Variants in GRID2 observed in about 807,000 individuals in gnomAD.
GRID2 encodes glutamate receptor ionotropic, delta-2.
GRID2 carries 33 observed loss-of-function variants against 114.8 expected under a neutral mutation model. The ratio of observed to expected loss-of-function variants is 0.29; its 90% CI spans 0.22 to 0.38. GRID2 has a LOEUF of 0.38. GRID2 is among the 10% of genes least tolerant of loss of function. GRID2 has a pLI of 1.00. For synonymous variants in GRID2, 505 were observed against 449.9 expected, an observed-to-expected ratio of 1.12 and a Z score of -1.55; for missense variants, 1,184 against 1,257.7, an observed-to-expected ratio of 0.94 and a Z score of 0.89.
intron 11 of GRID2, among the ~76,000 whole-genome samples, chr4:93,475,206 C>A (rs77441618): frequency 0.038 from 5,777 of 152,076 alleles, 393 homozygotes; most frequent in African/African-American, 0.13. Flanking sequence ...TTATTTTAAC[C>A]ATTTTTAAAT....
intron 13 of GRID2, among the ~76,000 whole-genome samples, chr4:93,543,538 G>T (rs1732868187): frequency 6.6e-6 from 1 of 152,138 alleles, no homozygotes; most frequent in Non-Finnish European, 1.5e-5. Flanking sequence ...AAATAAAATT[G>T]CTGGAAATAT....
intron 3 of GRID2, among the ~76,000 whole-genome samples, chr4:93,107,065 C>T (rs904121089): frequency 1.1e-4 from 16 of 152,096 alleles, no homozygotes; most frequent in Non-Finnish European, 2.2e-4. Context: ...TTTGGGAGGC[C>T]GAGGCAGGTG....
At chr4:93,507,172 T>C (rs1728715616) in intron 12 of GRID2, among the ~76,000 whole-genome samples, 1 of 152,196 alleles carries the variant, frequency 6.6e-6, no homozygotes, top group Non-Finnish European at 1.5e-5. Context: ...CTCTTAATTA[T>C]GGACCAAGCC....
At chr4:93,411,269 G>T (rs192323178) in intron 9 of GRID2, among the ~76,000 whole-genome samples, 1 of 152,010 alleles carries the variant, frequency 6.6e-6, no homozygotes, top group African/African-American at 2.4e-5. Flanking sequence ...TACACAAAAA[G>T]TTTTTAAAGT....
intron 1 of GRID2, among the ~76,000 whole-genome samples, chr4:92,563,585 T>C (rs1010342133): frequency 6.6e-6 from 1 of 152,100 alleles, no homozygotes; most frequent in African/African-American, 2.4e-5. Flanking sequence ...CACTTAATGC[T>C]TTTTTCTTTT....
intron 2 of GRID2, among the ~76,000 whole-genome samples, chr4:93,034,474 G>A (rs546547578): frequency 6.6e-6 from 1 of 152,158 alleles, no homozygotes; most frequent in Non-Finnish European, 1.5e-5. Flanking sequence ...ACAATACAAC[G>A]ATATTTCACT....
At chr4:93,321,769 G>A (rs559665800) in intron 8 of GRID2, among the ~76,000 whole-genome samples, 4 of 151,664 alleles carry the variant, frequency 2.6e-5, no homozygotes, top group Non-Finnish European at 4.4e-5. Context: ...TTCTTTCTAT[G>A]CTTTTAGATA....
chr4:93,664,169 C>T (rs537727948), intron 14 of GRID2, among the ~76,000 whole-genome samples: 44 of 152,228 alleles, frequency 2.9e-4, no homozygotes, highest in East Asian at 7.7e-4. Context: ...GGTAGAAGCA[C>T]GATTTCATAC....
intron 1 of GRID2, among the ~76,000 whole-genome samples, chr4:92,458,200 G>A (rs771298898): frequency 4.6e-5 from 7 of 152,036 alleles, no homozygotes; most frequent in Non-Finnish European, 7.4e-5. Flanking sequence ...AAATAAATAG[G>A]GAAGCTAAAT....
intron 2 of GRID2, among the ~76,000 whole-genome samples, chr4:92,878,112 C>T (rs893088030): frequency 4.6e-5 from 7 of 152,140 alleles, no homozygotes; most frequent in Non-Finnish European, 1.0e-4. Flanking sequence ...AATTCTTCTA[C>T]AGAGAAGAGT....
intron 1 of GRID2, among the ~76,000 whole-genome samples, chr4:92,445,923 G>A (rs887233810): frequency 6.6e-6 from 1 of 152,048 alleles, no homozygotes; most frequent in African/African-American, 2.4e-5. Context: ...ACTAAAATCA[G>A]TATAAAACTC....
At chr4:92,432,919 G>T (rs1193662072) in intron 1 of GRID2, among the ~76,000 whole-genome samples, 1 of 152,114 alleles carries the variant, frequency 6.6e-6, no homozygotes, top group Non-Finnish European at 1.5e-5. Flanking sequence ...GCCTTCATCT[G>T]CTGATGTTTA....
chr4:92,641,516 G>A (rs1016459697), intron 2 of GRID2, among the ~76,000 whole-genome samples: 3 of 151,054 alleles, frequency 2.0e-5, no homozygotes, highest in Non-Finnish European at 4.4e-5. Flanking sequence ...GAAATCATCA[G>A]AATTCAGGAG....
chr4:93,532,143 G>A (rs564884054), intron 13 of GRID2, among the ~76,000 whole-genome samples: 27 of 152,158 alleles, frequency 1.8e-4, no homozygotes, highest in African/African-American at 5.3e-4. Context: ...CCCAACAGAG[G>A]GATAATGTGT....
intron 13 of GRID2, among the ~76,000 whole-genome samples, chr4:93,516,858 A>G (rs573245080): frequency 6.6e-6 from 1 of 152,276 alleles, no homozygotes; most frequent in Admixed American, 6.6e-5. Flanking sequence ...GATGATTAAT[A>G]TAAATAGAAA....
chr4:93,313,773 C>A (rs544292055), intron 8 of GRID2, among the ~76,000 whole-genome samples: 1 of 151,948 alleles, frequency 6.6e-6, no homozygotes, highest in Non-Finnish European at 1.5e-5. Flanking sequence ...ATGCAAAGAG[C>A]GAGAGGAAAC....
At chr4:93,454,390 C>T (rs1310846006) in intron 10 of GRID2, among the ~76,000 whole-genome samples, 3 of 151,996 alleles carry the variant, frequency 2.0e-5, no homozygotes, top group African/African-American at 7.2e-5. Flanking sequence ...AACTTCTGTA[C>T]TTACTAACTG....
intron 13 of GRID2, among the ~76,000 whole-genome samples, chr4:93,530,742 A>C (rs1382244804): frequency 6.6e-6 from 1 of 152,156 alleles, no homozygotes; most frequent in Non-Finnish European, 1.5e-5. Context: ...TCATCAGTGT[A>C]TCCCTCTATC....
At chr4:93,704,596 C>G (rs76299358) in intron 14 of GRID2, among the ~76,000 whole-genome samples, 4 of 152,252 alleles carry the variant, frequency 2.6e-5, no homozygotes, top group African/African-American at 9.6e-5. Context: ...ATCCCCACTT[C>G]CCTTCTTCCC....
Sources: allele counts gnomAD v4.1 joint callset (sites outside exome capture counted in the v4.1 genomes callset), GRCh38; gene constraint gnomAD v4.1.1; transcripts MANE v1.5; gene names NCBI Gene and HGNC (gene_info 2026-07-23, HGNC 2026-07-21).